Variants in SRFBP1 observed in about 807,000 individuals in gnomAD.
SRFBP1 encodes the protein serum response factor binding protein 1.
A neutral mutation model predicts 45.5 loss-of-function variants in SRFBP1; 47 were observed. That is an observed-to-expected ratio of 1.03 (90% CI 0.82 to 1.32). SRFBP1 has a LOEUF of 1.32. Ranked by LOEUF, SRFBP1 falls within the 40% of genes most tolerant of loss-of-function variation. The pLI is 0.00. For synonymous variants in SRFBP1, 203 were observed against 166.3 expected (o/e 1.22, Z -1.70); for missense variants, 621 against 484.6 (o/e 1.28, Z -2.64).
intron 2 of SRFBP1, among the ~76,000 whole-genome samples, chr5:122,055,157 T>A (rs1412610801): frequency 6.6e-6 from 1 of 152,172 alleles, no homozygotes. Flanking sequence ...TCTGGCAGAT[T>A]TAGTGTCTGG....
chr5:122,055,526 G>T (rs1469009604), intron 2 of SRFBP1, among the ~76,000 whole-genome samples: 1 of 152,082 alleles, frequency 6.6e-6, no homozygotes, highest in East Asian at 1.9e-4. Context: ...TTTAAAAGTT[G>T]TCCAGCATTG....
At chr5:122,043,147 C>A (rs1580541439) in intron 2 of SRFBP1, among the ~76,000 whole-genome samples, 1 of 152,094 alleles carries the variant, frequency 6.6e-6, no homozygotes, top group Non-Finnish European at 1.5e-5. Flanking sequence ...AAATAATAGT[C>A]TAATAGGGTC....
chr5:122,064,817 T>A (rs534717265), intron 2 of SRFBP1: 2 of 152,110 alleles, frequency 1.3e-5, no homozygotes, highest in Admixed American at 6.6e-5. Flanking sequence ...AATGAATGAT[T>A]GTAAATGTGT....
At chr5:122,018,494 T>C (rs1019801933) in intron 4 of SRFBP1, among the ~76,000 whole-genome samples, 1 of 152,124 alleles carries the variant, frequency 6.6e-6, no homozygotes, top group Non-Finnish European at 1.5e-5. Flanking sequence ...ACCAGAACAA[T>C]GGAAATTACA....
downstream of SRFBP1, among the ~76,000 whole-genome samples, chr5:122,033,410 C>T (rs1753622226): frequency 1.3e-5 from 2 of 151,910 alleles, no homozygotes; most frequent in Admixed American, 1.3e-4. Flanking sequence ...AAAAATAGTT[C>T]AAAAATCTTT....
intron 2 of SRFBP1, among the ~76,000 whole-genome samples, chr5:122,039,633 A>G (rs1753742557): frequency 6.6e-6 from 1 of 152,082 alleles, no homozygotes. Flanking sequence ...ATACTGGGCA[A>G]TTTTCAAGAT....
At position 122,028,197 on chromosome 5, in the gene SRFBP1, A is replaced by G. The variant is rs1753527385; in HGVS notation, c.*1071A>G. On this transcript the variant is annotated 3_prime_UTR_variant, in exon 8 of 8. Transcript: ENST00000339397. ...AATTTTGAAGTTCTTGGTAAACTGA[A>G]TAATGCTAATCCATGTTTCCTGCAC... is the stretch of plus-strand genomic sequence containing the variant. 6.6e-6 allele frequency: 1 copy of G among 152,218 alleles called. No homozygotes were observed. 9.4% of individuals were successfully genotyped at this position (152,218 alleles called of 1,614,324 possible).
At chr5:122,022,491 A>C (rs967117549) in intron 7 of SRFBP1, 84 bp downstream of exon 7, 25 of 1,172,784 alleles carry the variant, frequency 2.1e-5, no homozygotes, top group African/African-American at 3.1e-5. Flanking sequence ...GTTGTTGCTT[A>C]ATATAGCCTG....
At chr5:122,051,531 T>A (rs772876529) in intron 2 of SRFBP1, among the ~76,000 whole-genome samples, 4 of 151,902 alleles carry the variant, frequency 2.6e-5, no homozygotes, top group African/African-American at 7.3e-5. Flanking sequence ...TTTTTTTTTT[T>A]AATCATTGTT....
At chr5:121,970,590 G>T (rs147891862) in intron 1 of SRFBP1, among the ~76,000 whole-genome samples, 7 of 150,968 alleles carry the variant, frequency 4.6e-5, no homozygotes, top group South Asian at 2.1e-4. Flanking sequence ...TTTATGCAAA[G>T]TATGATTTTT....
chr5:122,017,237 C>A (rs79219234), intron 4 of SRFBP1, among the ~76,000 whole-genome samples: 7,546 of 152,112 alleles, frequency 0.05, 234 homozygotes, highest in African/African-American at 0.079. Flanking sequence ...ACAACAACAA[C>A]AAAAAAGTAA....
At chr5:121,995,943 C>T (rs945504214) in intron 4 of SRFBP1, among the ~76,000 whole-genome samples, 6 of 152,138 alleles carry the variant, frequency 3.9e-5, no homozygotes, top group African/African-American at 1.4e-4. Flanking sequence ...GACACATACA[C>T]TCTCCCAAGA....
intron 3 of SRFBP1, among the ~76,000 whole-genome samples, chr5:121,992,897 T>G (rs1752647485): frequency 6.6e-6 from 1 of 152,068 alleles, no homozygotes; most frequent in African/African-American, 2.4e-5. Context: ...TGAATGAGCT[T>G]TTTAAAAATT....
intron 2 of SRFBP1, among the ~76,000 whole-genome samples, chr5:122,059,987 T>A (rs1243974891): frequency 2.0e-5 from 3 of 152,116 alleles, no homozygotes; most frequent in Non-Finnish European, 4.4e-5. Context: ...TTTTTGGAAC[T>A]CCAGTGTGAC....
intron 4 of SRFBP1, among the ~76,000 whole-genome samples, chr5:121,995,771 C>T (rs1051656477): frequency 4.0e-5 from 6 of 150,836 alleles, no homozygotes; most frequent in African/African-American, 1.5e-4. Context: ...GCTAGCAAGA[C>T]TAATAAAGAA....
intron 3 of SRFBP1, 57 bp downstream of exon 3, chr5:121,975,444 C>T (rs1580500904): frequency 5.7e-6 from 9 of 1,589,180 alleles, no homozygotes; most frequent in Non-Finnish European, 7.8e-6. Context: ...TGTTATCCTG[C>T]ATTTTGTTTG....
chr5:122,074,778 C>T (rs764696053), intron 2 of SRFBP1, among the ~76,000 whole-genome samples: 2 of 151,998 alleles, frequency 1.3e-5, no homozygotes, highest in Admixed American at 6.6e-5. Flanking sequence ...GTTCATCTTC[C>T]CACATAAGGA....
chr5:122,036,333 C>T (rs1028086658), intron 2 of SRFBP1, among the ~76,000 whole-genome samples: 1 of 151,868 alleles, frequency 6.6e-6, no homozygotes, highest in African/African-American at 2.4e-5. Flanking sequence ...ATGTGACTGA[C>T]CCCCCCATTA....
chr5:121,993,275 A>G (rs1470163668), intron 3 of SRFBP1, among the ~76,000 whole-genome samples: 1 of 152,104 alleles, frequency 6.6e-6, no homozygotes, highest in African/African-American at 2.4e-5. Flanking sequence ...GAAAAAACAT[A>G]TGTATATATT....
Sources: allele counts gnomAD v4.1 joint callset (sites outside exome capture counted in the v4.1 genomes callset), GRCh38; gene constraint gnomAD v4.1.1; transcripts MANE v1.5; gene names NCBI Gene and HGNC (gene_info 2026-07-23, HGNC 2026-07-21).